Variants in LOXL1 observed in about 807,000 individuals in gnomAD.
LOXL1 encodes lysyl oxidase homolog 1.
LOXL1 carries 31 observed loss-of-function variants against 62.2 expected under a neutral mutation model. That is an observed-to-expected ratio of 0.50 (90% CI 0.37 to 0.67). The LOEUF (loss-of-function observed/expected upper bound fraction) is 0.67, where lower values mean the gene tolerates loss of function less well. LOXL1 is among the 30% of genes least tolerant of loss of function. The probability of loss-of-function intolerance (pLI) is 0.00; values close to 1 mark genes in which losing one functional copy is unlikely to be tolerated. For synonymous variants in LOXL1, 403 were observed against 384.4 expected, an observed-to-expected ratio of 1.05 and a Z score of -0.56; for missense variants, 775 against 843.4, an observed-to-expected ratio of 0.92 and a Z score of 1.00.
At chr15:73,946,394 C>CA in intron 2 of LOXL1, 23 bp from the exon 3 acceptor site, 2 of 1,558,136 alleles carry the variant, frequency 1.3e-6, no homozygotes, top group Non-Finnish European at 1.8e-6. Flanking sequence ...AACCCCCCCT[C>CA]ATCTCCCCCG....
intron 1 of LOXL1, among the ~76,000 whole-genome samples, chr15:73,931,059 GC>G (rs1292761172): frequency 1.4e-5 from 2 of 145,106 alleles, no homozygotes; most frequent in African/African-American, 5.3e-5. Flanking sequence ...TGGAGTTTCA[GC>G]TTGTCTGAGC....
intron 4 of LOXL1, 92 bp downstream of exon 4, chr15:73,947,315 G>A: frequency 7.1e-7 from 1 of 1,402,956 alleles, no homozygotes; most frequent in Non-Finnish European, 9.7e-7. Context: ...AAGTGCCAAG[G>A]CTTCTGGCCA....
rs138261094 is a variant in LOXL1 at position 73,946,887 on chromosome 15, C to G, written c.1350-180C>G. On this transcript the variant is annotated intron_variant, in intron 3 of 6. Coordinates refer to ENST00000261921, the MANE Select transcript of LOXL1 (RefSeq NM_005576.4). ...TAGAGCATGTGCTGTCCTGGAGTGA[C>G]CCAGCTAGGTGGGGAGCACAGAGGG... 4.6e-5 allele frequency among the ~76,000 whole-genome samples: 7 copies of G among 152,238 alleles called. No individual in the cohort carries two copies. The East Asian group carries it at 1.3e-3, about 29-fold the overall frequency.
chr15:73,948,483 C>T (rs2068762872), intron 5 of LOXL1, among the ~76,000 whole-genome samples: 1 of 152,218 alleles, frequency 6.6e-6, no homozygotes, highest in African/African-American at 2.4e-5. Flanking sequence ...CTGGGGAAGC[C>T]ATGTCTCAGC....
rs1332512279 is a variant in LOXL1 at position 73,927,024 on chromosome 15, C to T, written c.241C>T (p.Pro81Ser). 3 of 1,409,698 alleles carry T rather than the reference C, an allele frequency of 2.1e-6. No homozygotes were observed. The highest frequency in any genetic ancestry group is 3.0e-5 in the South Asian group (2 of 66,066). 87.3% of individuals were successfully genotyped at this position (1,409,698 alleles called of 1,614,324 possible). The change falls in exon 1 of 7, where the codon CCC (proline) becomes TCC (serine). Residue 81 changes from proline (P) to serine (S), a missense_variant. By Grantham distance (74) the Pro-to-Ser change is moderately conservative. Transcript: ENST00000261921. ...SSSRVLLAGA[P>S]QAQQRRSHGS... ...CTCCCGGGTGCTGCTGGCCGGCGCG[C>T]CCCAGGCCCAGCAGCGGCGCAGCCA...
At chr15:73,935,554 G>A (rs75354741) in intron 1 of LOXL1, among the ~76,000 whole-genome samples, 1,803 of 152,290 alleles carry the variant, frequency 0.012, 32 homozygotes, top group African/African-American at 0.041. Context: ...TTCTAGAGGT[G>A]GGGTAGGGGG....
intron 4 of LOXL1, 43 bp downstream of exon 4, chr15:73,947,266 A>T (rs774895115): frequency 6.4e-6 from 10 of 1,559,860 alleles, no homozygotes; most frequent in Non-Finnish European, 8.7e-6. Context: ...GAGGATAAGG[A>T]GTTGGGGAGG....
chr15:73,933,396 G>A (rs1259135996), intron 1 of LOXL1, among the ~76,000 whole-genome samples: 1 of 152,156 alleles, frequency 6.6e-6, no homozygotes, highest in African/African-American at 2.4e-5. Context: ...TGTGTTCACT[G>A]TTCCCCTGAG....
Position 73,933,030 on chromosome 15 carries a change from C to G in LOXL1, c.1102+5145C>G, listed in dbSNP as rs552940951. 4.6e-5 allele frequency among the ~76,000 whole-genome samples: 7 copies of G among 152,294 alleles called. No homozygotes were observed. In the East Asian group the frequency reaches 1.2e-3, roughly 25 times the overall value. On this transcript the variant is annotated intron_variant, in intron 1 of 6. Coordinates refer to ENST00000261921, the MANE Select transcript of LOXL1 (RefSeq NM_005576.4). ...TGTCTCCTCTCTTATCAGCCACTTGCAAGGCACCTTCTCTCTCCCCTGCTC... is the reference window on the plus strand; with the variant it reads ...TGTCTCCTCTCTTATCAGCCACTTGGAAGGCACCTTCTCTCTCCCCTGCTC...
Position 73,927,266 on chromosome 15 carries a change from G to C in LOXL1, c.483G>C (p.Ser161=), listed in dbSNP as rs567703890. The stretch of plus-strand genomic sequence containing the variant: ...GCTCCGCCTCCTCGGTCTCGGCTTC[G>C]GCCTTCGCCAGCACCTACCGCCAGC... ...HGGSASSVSA[S]AFASTYRQQP... The change falls in exon 1 of 7, where the codon TCG becomes TCC. Residue 161 remains serine (S), a synonymous_variant. Transcript: ENST00000261921. The C allele has an allele frequency of 1.9e-6, 3 of 1,601,654 alleles. No homozygotes were observed. The highest frequency in any genetic ancestry group is 2.5e-6 in the Non-Finnish European group (3 of 1,177,466).
intron 1 of LOXL1, among the ~76,000 whole-genome samples, chr15:73,931,131 A>G (rs967384912): frequency 1.3e-5 from 2 of 149,984 alleles, no homozygotes; most frequent in Non-Finnish European, 3.0e-5. Flanking sequence ...CTCCCCTCCC[A>G]AGGCCTTACC....
chr15:73,951,866 T>C lies in LOXL1; in HGVS notation c.*29T>C. The C allele has an allele frequency of 6.6e-7, 1 of 1,522,572 alleles. No individual in the cohort carries two copies. The highest frequency in any genetic ancestry group is 1.9e-5 in the Admixed American group (1 of 51,546). 94.3% of individuals were successfully genotyped at this position (1,522,572 alleles called of 1,614,324 possible). On this transcript the variant is annotated 3_prime_UTR_variant, in exon 7 of 7. Transcript: ENST00000261921. ...CCGGGAGGGACAGATGGCCAATCTC[T>C]CCCCTTCCAAAGCAGGCCCTGCTCC... is the stretch of plus-strand genomic sequence containing the variant.
intron 3 of LOXL1, 48 bp from the exon 4 acceptor site, chr15:73,947,019 C>T (rs759844347): frequency 2.0e-6 from 3 of 1,520,524 alleles, no homozygotes; most frequent in Non-Finnish European, 2.7e-6. Flanking sequence ...ATGAGAGGCC[C>T]AGGGAAGACT....
chr15:73,950,744 G>T (rs1183565691), intron 6 of LOXL1, among the ~76,000 whole-genome samples: 1 of 152,194 alleles, frequency 6.6e-6, no homozygotes, highest in Non-Finnish European at 1.5e-5. Flanking sequence ...CAGGGTCAGG[G>T]CTCAGTCTGT....
intron 1 of LOXL1, among the ~76,000 whole-genome samples, chr15:73,940,232 C>A (rs542092368): frequency 6.6e-6 from 1 of 152,222 alleles, no homozygotes; most frequent in African/African-American, 2.4e-5. Context: ...GAGGCCCCTG[C>A]CTGAGCCTGA....
rs1403337621 is a variant in LOXL1, at chr15:73,945,281, C to G, written c.1212-1136C>G. Reference sequence around the variant, plus strand: ...GGTTGCCAGCCTGAAGCCATGCAATCAGGGAGAGGTGGTCTGGACCCAGTG... The same window carrying G: ...GGTTGCCAGCCTGAAGCCATGCAATGAGGGAGAGGTGGTCTGGACCCAGTG... On this transcript the variant is annotated intron_variant, in intron 2 of 6. Transcript: ENST00000261921. The surrounding 1 kb of genome is among the most constrained non-coding windows in gnomAD (Gnocchi z 4.3). Among the ~76,000 whole-genome samples the G allele has an allele frequency of 6.6e-6, 1 of 152,196 alleles. No homozygotes were observed. Among genetic ancestry groups the G allele is most frequent in the Non-Finnish European group, 1.5e-5 (1 of 68,040 alleles).
At chr15:73,940,818 C>T (rs535787220) in intron 1 of LOXL1, among the ~76,000 whole-genome samples, 2 of 152,226 alleles carry the variant, frequency 1.3e-5, no homozygotes, top group Non-Finnish European at 2.9e-5. Flanking sequence ...CATTGGCCCT[C>T]ACTGGCCCCA....
Position 73,927,357 on chromosome 15 carries a change from G to T in LOXL1, c.574G>T (p.Asp192Tyr). ...APFVSQYENY[D>Y]PASRTYDQGF... Reference sequence around the variant, plus strand: ...CTTCGTCAGCCAGTACGAGAACTACGACCCCGCGTCGCGGACCTACGACCA... The same window carrying T: ...CTTCGTCAGCCAGTACGAGAACTACTACCCCGCGTCGCGGACCTACGACCA... The change falls in exon 1 of 7, where the codon GAC (aspartate) becomes TAC (tyrosine). Residue 192 changes from aspartate (D) to tyrosine (Y), a missense_variant. Physicochemically the swap from Asp to Tyr is radical, Grantham distance 160. Coordinates refer to ENST00000261921, the MANE Select transcript of LOXL1 (RefSeq NM_005576.4). 1 of 1,590,102 alleles carries T rather than the reference G, an allele frequency of 6.3e-7. No individual in the cohort carries two copies. The highest frequency in any genetic ancestry group is 8.5e-7 in the Non-Finnish European group (1 of 1,169,658).
intron 4 of LOXL1, 140 bp from the exon 5 acceptor site, chr15:73,947,667 G>A (rs2068757580): frequency 1.6e-6 from 1 of 634,450 alleles, no homozygotes; most frequent in South Asian, 1.9e-5. Flanking sequence ...GGAAGGTGTG[G>A]ACCCACCCTG....
Sources: allele counts gnomAD v4.1 joint callset (sites outside exome capture counted in the v4.1 genomes callset), GRCh38; gene constraint gnomAD v4.1.1; non-coding constraint Gnocchi (gnomAD v3.1); transcripts MANE v1.5; gene names NCBI Gene and HGNC (gene_info 2026-07-23, HGNC 2026-07-21).